FOXP2: variants seen among roughly 807,000 people sequenced by gnomAD.
The protein encoded by FOXP2 is forkhead box P2.
Under a neutral mutation model 115.8 loss-of-function variants are expected in FOXP2, and 12 were observed. That is an observed-to-expected ratio of 0.10 (90% CI 0.07 to 0.17). FOXP2 has a LOEUF of 0.17. Ranked by LOEUF, FOXP2 falls within the 10% of genes least tolerant of loss-of-function variation. The pLI, the probability that FOXP2 is intolerant of heterozygous loss-of-function variation, is 1.00. For synonymous variants in FOXP2, 328 were observed against 297.7 expected (o/e 1.10, Z -1.05); for missense variants, 629 against 843.5 (o/e 0.75, Z 3.15).
chr7:114,622,671 T>C (rs1405279000), intron 3 of FOXP2, among the ~76,000 whole-genome samples: 1 of 152,010 alleles, frequency 6.6e-6, no homozygotes, highest in Non-Finnish European at 1.5e-5. Context: ...ATTTTTGCTT[T>C]CTTAGAGAGT....
chr7:114,548,087 C>T (rs914787702), intron 3 of FOXP2, among the ~76,000 whole-genome samples: 4 of 152,174 alleles, frequency 2.6e-5, no homozygotes, highest in African/African-American at 9.7e-5. Flanking sequence ...CCTGCTCTGC[C>T]CCTATGTAGC....
At chr7:114,550,580 C>T (rs759639115) in intron 3 of FOXP2, among the ~76,000 whole-genome samples, 1 of 152,078 alleles carries the variant, frequency 6.6e-6, no homozygotes, top group African/African-American at 2.4e-5. Flanking sequence ...TTGTTAAATG[C>T]TAGAACATTG....
chr7:114,601,823 T>A (rs1340982044), intron 3 of FOXP2, among the ~76,000 whole-genome samples: 1 of 152,124 alleles, frequency 6.6e-6, no homozygotes, highest in Middle Eastern at 3.2e-3. Context: ...CATCAGTGAT[T>A]TCAAGCCTTT....
intron 16 of FOXP2, among the ~76,000 whole-genome samples, chr7:114,672,869 G>A (rs1348251569): frequency 2.0e-5 from 3 of 152,126 alleles, no homozygotes; most frequent in Non-Finnish European, 4.4e-5. Flanking sequence ...AACTCCAATA[G>A]GGCAGTTTGG....
chr7:114,492,808 T>G (rs1202824155), intron 2 of FOXP2, among the ~76,000 whole-genome samples: 10 of 152,214 alleles, frequency 6.6e-5, no homozygotes, highest in Non-Finnish European at 1.5e-4. Flanking sequence ...CTTTTACATT[T>G]GCTGAGGAGT....
chr7:114,104,670 A>G (rs1791067901), intron 1 of FOXP2, among the ~76,000 whole-genome samples: 1 of 152,076 alleles, frequency 6.6e-6, no homozygotes, highest in Non-Finnish European at 1.5e-5. Context: ...ACTATGTGGT[A>G]GTAAAAGTTA....
At position 114,217,159 on chromosome 7, in the gene FOXP2, G is replaced by A. The variant is rs533937767; in HGVS notation, c.-102+54071G>A. ...GAATTAACAAAAAAGGAAGTAAAAC[G>A]CATGGTTTGTAGAAATTGATATTAT... is the stretch of plus-strand genomic sequence containing the variant. On this transcript the variant is annotated intron_variant, in intron 1 of 17. Transcript: ENST00000634411. Among the ~76,000 whole-genome samples, 125 of 152,180 alleles carry A rather than the reference G, an allele frequency of 8.2e-4. 1 individual carries two copies. The highest frequency in any genetic ancestry group is 2.9e-3 in the African/African-American group (120 of 41,526).
chr7:114,675,008 CT>C (rs945276822), intron 16 of FOXP2, among the ~76,000 whole-genome samples: 1 of 151,916 alleles, frequency 6.6e-6, no homozygotes, highest in Non-Finnish European at 1.5e-5. Context: ...ATATTATTAG[CT>C]TTTTTCTGTG....
At chr7:114,354,186 G>C (rs780926497) in intron 2 of FOXP2, among the ~76,000 whole-genome samples, 1 of 152,046 alleles carries the variant, frequency 6.6e-6, no homozygotes, top group Non-Finnish European at 1.5e-5. Context: ...TGATACTTCT[G>C]GTTCTTGGGC....
intron 3 of FOXP2, among the ~76,000 whole-genome samples, chr7:114,592,438 A>G (rs1802486113): frequency 6.6e-6 from 1 of 152,008 alleles, no homozygotes; most frequent in Non-Finnish European, 1.5e-5. Flanking sequence ...GTAGACTTTT[A>G]AAAGCAGATA....
intron 1 of FOXP2, among the ~76,000 whole-genome samples, chr7:114,271,073 A>T (rs942212809): frequency 6.6e-6 from 1 of 151,856 alleles, no homozygotes; most frequent in Non-Finnish European, 1.5e-5. Flanking sequence ...TTAAATTGAC[A>T]TAATTATGTA....
chr7:114,477,181 A>T (rs920535219), intron 2 of FOXP2, among the ~76,000 whole-genome samples: 1 of 151,988 alleles, frequency 6.6e-6, no homozygotes, highest in East Asian at 1.9e-4. Flanking sequence ...AAAATAAATC[A>T]CTCACTAAAG....
intron 1 of FOXP2, among the ~76,000 whole-genome samples, chr7:114,100,109 AAATT>A (rs1799745062): frequency 6.6e-6 from 1 of 152,202 alleles, no homozygotes; most frequent in African/African-American, 2.4e-5. Flanking sequence ...TATTTGAAAA[AAATT>A]AATTGATACA....
chr7:114,683,440 G>C (rs1808200877), intron 16 of FOXP2, among the ~76,000 whole-genome samples: 1 of 152,188 alleles, frequency 6.6e-6, no homozygotes, highest in Non-Finnish European at 1.5e-5. Context: ...GTGCCTGTAT[G>C]CAGACACTTG....
chr7:114,540,848 A>G (rs1156382635), intron 3 of FOXP2, among the ~76,000 whole-genome samples: 1 of 152,100 alleles, frequency 6.6e-6, no homozygotes, highest in Admixed American at 6.6e-5. Flanking sequence ...TAGAGATATC[A>G]TACTAATGTA....
chr7:114,569,773 A>T (rs550283418), intron 3 of FOXP2, among the ~76,000 whole-genome samples: 1 of 152,094 alleles, frequency 6.6e-6, no homozygotes, highest in South Asian at 2.1e-4. Context: ...AGAAAATGGC[A>T]TGTAGTCATG....
At chr7:114,639,181 G>C (rs1805390454) in intron 6 of FOXP2, among the ~76,000 whole-genome samples, 1 of 152,106 alleles carries the variant, frequency 6.6e-6, no homozygotes, top group African/African-American at 2.4e-5. Context: ...AATGTTGTTA[G>C]CCACTCAATC....
At position 114,630,120 on chromosome 7, in the gene FOXP2, T is replaced by A. The variant is rs533721241; in HGVS notation, c.597+115T>A. 29 of 1,573,430 alleles carry A rather than the reference T, an allele frequency of 1.8e-5. No individual in the cohort carries two copies. The African/African-American group carries it at 3.8e-4, about 20-fold the overall frequency. ...AAGGCTCTTGCTGTCAAAGTTGCAG[T>A]ATTATATATTTTTACTGAGCTTAGT... On this transcript the variant is annotated intron_variant, in intron 5 of 16. Coordinates refer to ENST00000350908, the MANE Select transcript of FOXP2 (RefSeq NM_014491.4).
intron 2 of FOXP2, among the ~76,000 whole-genome samples, chr7:114,529,722 A>C (rs1328536778): frequency 6.6e-6 from 1 of 151,858 alleles, no homozygotes; most frequent in Non-Finnish European, 1.5e-5. Flanking sequence ...CAGATGCATA[A>C]TTTCACTCTG....
Sources: allele counts gnomAD v4.1 joint callset (sites outside exome capture counted in the v4.1 genomes callset), GRCh38; gene constraint gnomAD v4.1.1; transcripts MANE v1.5; gene names NCBI Gene and HGNC (gene_info 2026-07-23, HGNC 2026-07-21).